The following COG7 variants were observed in gnomAD, a reference collection of about 807,000 sequenced individuals.
The protein encoded by COG7 is component of oligomeric golgi complex 7.
A neutral mutation model predicts 91.5 loss-of-function variants in COG7; 49 were observed. The observed-to-expected ratio is 0.54, with a 90% CI of 0.43 to 0.68. The LOEUF (loss-of-function observed/expected upper bound fraction) is 0.68. Among genes scored for constraint, COG7 ranks in the 30% least tolerant of loss-of-function variants. The pLI is 0.00. For synonymous variants in COG7, 365 were observed against 388.7 expected (o/e 0.94, Z 0.72); for missense variants, 895 against 961.3 (o/e 0.93, Z 0.91).
rs1439148775 is a variant in COG7, at chr16:23,424,718, A to G, written c.1009+31T>C. 4 of 1,609,648 alleles carry G rather than the reference A, an allele frequency of 2.5e-6. No individual in the cohort carries two copies. The South Asian group carries it at 3.3e-5, about 13-fold the overall frequency. ...GCTTCAGAAAGAGCGAGTAAAGACA[A>G]GCTAGAGAACTGGCAGGAAGGAATG... is the stretch of plus-strand genomic sequence containing the variant. On this transcript the variant is annotated intron_variant, in intron 7 of 16. Transcript: ENST00000307149.
At chr16:23,416,931 A>C in intron 9 of COG7, 36 bp downstream of exon 9, 1 of 1,613,830 alleles carries the variant, frequency 6.2e-7, no homozygotes, top group Non-Finnish European at 8.5e-7. Flanking sequence ...CACTGCTCCA[A>C]TGTGGCCCGT....
In COG7 at chr16:23,442,665, A is replaced by G. The variant is rs1964120434; in HGVS notation, c.436-20T>C. 2 of 1,604,124 alleles carry G rather than the reference A, an allele frequency of 1.2e-6. No homozygotes were observed. The highest frequency in any genetic ancestry group is 2.7e-5 in the African/African-American group (2 of 74,764). On this transcript the variant is annotated intron_variant, in intron 3 of 16. Coordinates refer to ENST00000307149, the MANE Select transcript of COG7 (RefSeq NM_153603.4). ...TATGTCCTAGAAAAGACCAGAATAGAGAATATTTATTTTAAATGATCCCTA... is the reference window on the plus strand; with the variant it reads ...TATGTCCTAGAAAAGACCAGAATAGGGAATATTTATTTTAAATGATCCCTA...
intron 4 of COG7, chr16:23,441,786 G>A (rs1964105531): frequency 6.6e-6 from 1 of 151,986 alleles, no homozygotes; most frequent in African/African-American, 2.4e-5. Context: ...AAAATAATAG[G>A]AAGAAGCAGC....
intron 9 of COG7, chr16:23,416,552 C>T (rs1459397625): frequency 1.4e-5 from 4 of 277,142 alleles, no homozygotes; most frequent in African/African-American, 4.5e-5. Context: ...AAGCTGGTCT[C>T]GAACTCCTGA....
intron 14 of COG7, among the ~76,000 whole-genome samples, chr16:23,396,545 G>C (rs546066196): frequency 1.7e-4 from 26 of 151,806 alleles, no homozygotes; most frequent in Non-Finnish European, 1.6e-4. Context: ...CAGGTGTGGT[G>C]GTGGGCGCCT....
intron 16 of COG7, among the ~76,000 whole-genome samples, chr16:23,391,616 G>T (rs1963197121): frequency 6.6e-6 from 1 of 152,222 alleles, no homozygotes; most frequent in South Asian, 2.1e-4. Context: ...ACGAAGCTCT[G>T]GCTGTGTCCC....
At position 23,453,124 on chromosome 16, in the gene COG7, A is replaced by G. The variant is rs1321049044; in HGVS notation, c.-130T>C. On this transcript the variant is annotated 5_prime_UTR_variant, in exon 1 of 17. Coordinates refer to ENST00000307149, the MANE Select transcript of COG7 (RefSeq NM_153603.4). ...CGAGGCGAACCCCAGAAACGCCAGG[A>G]CGGGTAACTTGCCCCTTTGCGCTTC... The G allele has an allele frequency of 1.3e-6, 2 of 1,498,520 alleles. No homozygotes were observed. The highest frequency in any genetic ancestry group is 2.8e-5 in the African/African-American group (2 of 71,722). 92.8% of individuals were successfully genotyped at this position (1,498,520 alleles called of 1,614,324 possible). A position where few individuals can be genotyped will look rare whatever the true frequency, so the allele number is the denominator to read the frequency against.
intron 13 of COG7, among the ~76,000 whole-genome samples, chr16:23,403,466 A>C (rs1963409996): frequency 6.6e-6 from 1 of 152,262 alleles, no homozygotes; most frequent in Non-Finnish European, 1.5e-5. Flanking sequence ...AGCAATTTTA[A>C]TAATCCTGAG....
intron 14 of COG7, chr16:23,394,810 CT>C (rs5816212): frequency 0.085 from 12,340 of 144,408 alleles, 872 homozygotes; most frequent in African/African-American, 0.2. Context: ...TTTCTTTTTT[CT>C]TTTTTTTTTT....
intron 15 of COG7, 97 bp downstream of exon 15, chr16:23,393,136 G>C (rs374444737): frequency 2.4e-6 from 2 of 846,274 alleles, no homozygotes; most frequent in African/African-American, 3.3e-5. Context: ...ACAGGACTTG[G>C]TGACAAATGA....
chr16:23,391,865 G>T, intron 16 of COG7: 1 of 370,990 alleles, frequency 2.7e-6, no homozygotes, highest in Non-Finnish European at 4.1e-6. Context: ...ATGCTATCTG[G>T]ATGGAGACCA....
intron 9 of COG7, chr16:23,413,818 G>T: frequency 2.4e-6 from 1 of 419,042 alleles, no homozygotes; most frequent in South Asian, 2.3e-5. Context: ...GAATAATCGT[G>T]AAGTTGACTC....
At chr16:23,432,009 T>C (rs1218669547) in intron 6 of COG7, among the ~76,000 whole-genome samples, 1 of 151,810 alleles carries the variant, frequency 6.6e-6, no homozygotes, top group Non-Finnish European at 1.5e-5. Context: ...TAGCCAGGCA[T>C]GGTGGCACAT....
intron 8 of COG7, 45 bp downstream of exon 8, chr16:23,418,655 C>T: frequency 6.2e-7 from 1 of 1,607,856 alleles, no homozygotes; most frequent in Non-Finnish European, 8.5e-7. Flanking sequence ...AAGACCCTGG[C>T]TAACAGAATG....
intron 7 of COG7, among the ~76,000 whole-genome samples, chr16:23,422,844 A>G (rs1963780460): frequency 6.6e-6 from 1 of 151,982 alleles, no homozygotes; most frequent in East Asian, 1.9e-4. Context: ...GGAGTTTGAG[A>G]CCAGCCTGGC....
intron 6 of COG7, among the ~76,000 whole-genome samples, chr16:23,426,834 A>G (rs540019237): frequency 7.8e-4 from 114 of 146,126 alleles, no homozygotes; most frequent in African/African-American, 1.8e-3. Flanking sequence ...AAAAAAAAAA[A>G]AAAGAAAGAA....
rs1245201811 is a variant in COG7 at position 23,447,987 on chromosome 16, T to C, written c.170-2026A>G. On this transcript the variant is annotated intron_variant, in intron 1 of 16. Transcript: ENST00000307149. ...ACCTCTCCAATCCAACACTGGGTCT[T>C]GTTCAACAGTGTATTTTTAGAACCT... Among the ~76,000 whole-genome samples, 5 of 152,184 alleles carry C rather than the reference T, an allele frequency of 3.3e-5. No homozygotes were observed. In the East Asian group the frequency reaches 9.6e-4, roughly 29 times the overall value.
chr16:23,407,257 T>C (rs1963477327), intron 11 of COG7, among the ~76,000 whole-genome samples: 1 of 152,232 alleles, frequency 6.6e-6, no homozygotes, highest in East Asian at 1.9e-4. Flanking sequence ...AAGTTCGTTC[T>C]TCCTGTTGCT....
chr16:23,422,449 G>C (rs967200689), intron 7 of COG7, among the ~76,000 whole-genome samples: 1 of 149,334 alleles, frequency 6.7e-6, no homozygotes, highest in Non-Finnish European at 1.5e-5. Flanking sequence ...AATATTTTAA[G>C]ATATTTTGTA....
Sources: allele counts gnomAD v4.1 joint callset (sites outside exome capture counted in the v4.1 genomes callset), GRCh38; gene constraint gnomAD v4.1.1; transcripts MANE v1.5; gene names NCBI Gene and HGNC (gene_info 2026-07-23, HGNC 2026-07-21).